Variants in PUM1 observed in about 807,000 individuals in gnomAD.
The protein encoded by PUM1 is pumilio homolog 1.
PUM1 carries 13 observed loss-of-function variants against 131.8 expected under a neutral mutation model. The ratio of observed to expected loss-of-function variants is 0.10; its 90% CI spans 0.06 to 0.16. PUM1 has a LOEUF of 0.16. Ranked by LOEUF, PUM1 falls within the 10% of genes least tolerant of loss-of-function variation. The pLI is 1.00. For missense variants in PUM1, 961 were observed against 1,512.4 expected (o/e 0.64, Z 6.05); for synonymous variants, 509 against 556.5 (o/e 0.91, Z 1.20).
intron 17 of PUM1, among the ~76,000 whole-genome samples, chr1:30,948,964 C>T (rs1424468502): frequency 6.6e-6 from 1 of 152,202 alleles, no homozygotes; most frequent in Admixed American, 6.5e-5. Context: ...CTATCTCCAA[C>T]ATTCCTTTCT....
rs954445487 is a variant in PUM1, at chr1:30,931,852, G to A, written c.*1359C>T. 1 of 152,560 alleles carries A rather than the reference G, an allele frequency of 6.6e-6. No homozygotes were observed. Among genetic ancestry groups the A allele is most frequent in the Non-Finnish European group, 1.5e-5 (1 of 68,036 alleles). 9.5% of individuals were successfully genotyped at this position (152,560 alleles called of 1,614,324 possible). A position where few individuals can be genotyped will look rare whatever the true frequency, so the allele number is the denominator to read the frequency against. Reference sequence around the variant, plus strand: ...GAGAGGGGCTCTGATTGTAAGGAAAGCTCGGGCAAGGCTAGACTTTTGCAC... The same window carrying A: ...GAGAGGGGCTCTGATTGTAAGGAAAACTCGGGCAAGGCTAGACTTTTGCAC... On this transcript the variant is annotated 3_prime_UTR_variant, in exon 22 of 22. Transcript: ENST00000426105.
intron 5 of PUM1, among the ~76,000 whole-genome samples, chr1:31,001,381 A>T (rs1398264194): frequency 1.3e-5 from 2 of 152,026 alleles, no homozygotes; most frequent in Non-Finnish European, 2.9e-5. Context: ...CAAAAAAAAA[A>T]AATTCAAATA....
At chr1:30,963,262 C>A (rs919223080) in intron 14 of PUM1, among the ~76,000 whole-genome samples, 2 of 152,170 alleles carry the variant, frequency 1.3e-5, no homozygotes, top group South Asian at 4.1e-4. Flanking sequence ...CAGCTCTCTC[C>A]AGATTCTGCA....
intron 3 of PUM1, among the ~76,000 whole-genome samples, chr1:31,026,102 T>G (rs764862696): frequency 1.4e-4 from 22 of 151,752 alleles, no homozygotes; most frequent in Non-Finnish European, 3.2e-4. Context: ...AATACAAAAA[T>G]AAAATTAGCC....
At chr1:31,064,302 C>T (rs1570386765) in intron 1 of PUM1, among the ~76,000 whole-genome samples, 3 of 152,108 alleles carry the variant, frequency 2.0e-5, no homozygotes, top group African/African-American at 7.2e-5. Flanking sequence ...TGGCCTTGAA[C>T]AAAATGAATT....
At chr1:30,963,969 A>G (rs2124436674) in intron 14 of PUM1, among the ~76,000 whole-genome samples, 1 of 152,288 alleles carries the variant, frequency 6.6e-6, no homozygotes, top group East Asian at 1.9e-4. Flanking sequence ...AACATCTCCC[A>G]TGTCCTGAAA....
At chr1:31,060,230 G>A (rs970899309) in intron 1 of PUM1, among the ~76,000 whole-genome samples, 3 of 151,214 alleles carry the variant, frequency 2.0e-5, no homozygotes, top group Admixed American at 1.3e-4. Context: ...GGAGGCCAAA[G>A]TGGGTGGATC....
At chr1:31,042,096 G>A (rs940158173) in intron 2 of PUM1, among the ~76,000 whole-genome samples, 1 of 152,088 alleles carries the variant, frequency 6.6e-6, no homozygotes, top group Admixed American at 6.6e-5. Context: ...TCTAAGGTCA[G>A]GAGTTCGAGA....
chr1:31,050,753 C>T (rs1644089046), intron 2 of PUM1: 1 of 154,326 alleles, frequency 6.5e-6, no homozygotes, highest in African/African-American at 2.4e-5. Flanking sequence ...GTCAAGACTC[C>T]CCAGTTTGGG....
At chr1:31,011,967 T>A (rs920430392) in intron 3 of PUM1, among the ~76,000 whole-genome samples, 2 of 152,182 alleles carry the variant, frequency 1.3e-5, no homozygotes, top group African/African-American at 4.8e-5. Flanking sequence ...GCCAGTATTA[T>A]CCAGGTGACA....
chr1:31,022,551 G>A (rs1222555465), intron 3 of PUM1, among the ~76,000 whole-genome samples: 1 of 152,190 alleles, frequency 6.6e-6, no homozygotes, highest in Non-Finnish European at 1.5e-5. Context: ...TGGGAACTAC[G>A]TTCCAAATCA....
chr1:31,059,378 G>A lies in PUM1; in HGVS notation c.189C>T (p.Ser63=), dbSNP rs1477868246. The A allele has an allele frequency of 1.9e-6, 3 of 1,614,050 alleles. No individual in the cohort carries two copies. The highest frequency in any genetic ancestry group is 2.5e-6 in the Non-Finnish European group (3 of 1,180,034). ...NQALAAGTHS[S]PVPGSIGVAG... The stretch of plus-strand genomic sequence containing the variant: ...CAACTCCTATAGATCCTGGGACAGG[G>A]CTGGAGTGAGTCCCAGCTGCAAGAG... The change falls in exon 2 of 22, where the codon AGC becomes AGT. Residue 63 remains serine, a synonymous_variant. Coordinates refer to ENST00000426105, the MANE Select transcript of PUM1 (RefSeq NM_001020658.2).
At chr1:30,962,049 G>A (rs889740916) in intron 14 of PUM1, among the ~76,000 whole-genome samples, 4 of 152,134 alleles carry the variant, frequency 2.6e-5, no homozygotes, top group South Asian at 2.1e-4. Flanking sequence ...CTACTTTCTC[G>A]AGGAAACAGA....
At position 30,967,351 on chromosome 1, in the gene PUM1, A is replaced by T. The variant is rs1640663337; in HGVS notation, c.1646-41T>A. 1.9e-6 allele frequency: 3 copies of T among 1,579,110 alleles called. No individual in the cohort carries two copies. In the African/African-American group the frequency reaches 4.1e-5, roughly 21 times the overall value. On this transcript the variant is annotated intron_variant, in intron 11 of 21. Transcript: ENST00000426105. Reference sequence around the variant, plus strand: ...CAACAAAGAAATGTATATGTTAAACAAACAAGTATCTCCTGGGCACCAACA... The same window carrying T: ...CAACAAAGAAATGTATATGTTAAACTAACAAGTATCTCCTGGGCACCAACA...
intron 15 of PUM1, among the ~76,000 whole-genome samples, chr1:30,952,682 G>A (rs1473018088): frequency 1.4e-4 from 4 of 29,118 alleles, no homozygotes; most frequent in South Asian, 2.7e-3. Flanking sequence ...AGCGGGGGGG[G>A]CGGGGGGGGG....
chr1:30,967,625 G>A (rs1218239580), intron 11 of PUM1, among the ~76,000 whole-genome samples: 8 of 152,298 alleles, frequency 5.3e-5, no homozygotes, highest in Non-Finnish European at 1.2e-4. Context: ...TAAGCCATAT[G>A]AAAAACTGCA....
chr1:30,991,997 C>T (rs1641810925), intron 7 of PUM1, among the ~76,000 whole-genome samples: 1 of 152,180 alleles, frequency 6.6e-6, no homozygotes, highest in South Asian at 2.1e-4. Flanking sequence ...TGGCACTACA[C>T]TCCTGACAGC....
rs1305701637 is a variant in PUM1, at chr1:31,061,504, TACTTGGGAGGCTGAGG to T, written c.-11-1943_-11-1928del. 1.5e-3 allele frequency among the ~76,000 whole-genome samples: 227 copies of T among 151,744 alleles called. 1 individual carries two copies. Among genetic ancestry groups the T allele is most frequent in the African/African-American group, 5.3e-3 (218 of 41,380 alleles). ...GGTGGCACGCGCCTGTAATCCCAGC[TACTTGGGAGGCTGAGG>T]CAGGAGAATCACTTGAACCAGGGAG... On this transcript the variant is annotated intron_variant, in intron 1 of 21. Transcript: ENST00000426105.
intron 5 of PUM1, among the ~76,000 whole-genome samples, chr1:31,004,703 G>A (rs1213849829): frequency 6.6e-6 from 1 of 152,088 alleles, no homozygotes; most frequent in Non-Finnish European, 1.5e-5. Flanking sequence ...TGAGAAAGCT[G>A]CACCAAAAAT....
Sources: gnomAD v4.1 joint callset for allele counts (sites outside exome capture counted in the v4.1 genomes callset) on GRCh38, gnomAD v4.1.1 for gene constraint, MANE v1.5 for transcripts, NCBI Gene and HGNC (gene_info 2026-07-23, HGNC 2026-07-21) for gene names.